KIAA1328: variants seen among roughly 807,000 people sequenced by gnomAD.
The protein encoded by KIAA1328 is KIAA1328.
KIAA1328 carries 52 observed loss-of-function variants against 68.1 expected under a neutral mutation model. The ratio of observed to expected loss-of-function variants is 0.76; its 90% CI spans 0.61 to 0.96. The LOEUF (loss-of-function observed/expected upper bound fraction) is 0.96, where lower values mean the gene tolerates loss of function less well. Among genes scored for constraint, KIAA1328 ranks in the 40% least tolerant of loss-of-function variants. The pLI, the probability that KIAA1328 is intolerant of heterozygous loss-of-function variation, is 0.00. For missense variants in KIAA1328, 641 were observed against 677.6 expected (o/e 0.95, Z 0.60); for synonymous variants, 232 against 239.4 (o/e 0.97, Z 0.28).
In KIAA1328 at chr18:36,863,270, A is replaced by G. The variant is rs1217646828; in HGVS notation, c.332+18968A>G. 2.7e-5 allele frequency among the ~76,000 whole-genome samples: 4 copies of G among 150,750 alleles called. No individual in the cohort carries two copies. The East Asian group carries it at 5.8e-4, about 22-fold the overall frequency. On this transcript the variant is annotated intron_variant, in intron 4 of 9. Coordinates refer to ENST00000280020, the MANE Select transcript of KIAA1328 (RefSeq NM_020776.3). Reference sequence around the variant, plus strand: ...TTGAGGTTCTTTTTTTTTTTCCCCAATTGATGTACAGTTATTCTAGCACCA... The same window carrying G: ...TTGAGGTTCTTTTTTTTTTTCCCCAGTTGATGTACAGTTATTCTAGCACCA...
intron 5 of KIAA1328, among the ~76,000 whole-genome samples, chr18:36,894,349 A>G (rs2048801153): frequency 6.6e-6 from 1 of 152,126 alleles, no homozygotes; most frequent in African/African-American, 2.4e-5. Flanking sequence ...CAATTTTCTT[A>G]TATTTTGACA....
chr18:36,961,805 C>T (rs992991475), intron 6 of KIAA1328, among the ~76,000 whole-genome samples: 4 of 152,116 alleles, frequency 2.6e-5, no homozygotes, highest in Non-Finnish European at 5.9e-5. Flanking sequence ...TACAAGAGCT[C>T]CTGAAGGGAG....
At chr18:37,109,091 G>A (rs966560730) in intron 7 of KIAA1328, among the ~76,000 whole-genome samples, 44 of 152,282 alleles carry the variant, frequency 2.9e-4, no homozygotes, top group African/African-American at 1.0e-3. Flanking sequence ...ATCCGTGTCC[G>A]TGCAAAGCAC....
intron 6 of KIAA1328, among the ~76,000 whole-genome samples, chr18:37,003,483 T>C (rs2053664333): frequency 1.3e-5 from 2 of 152,082 alleles, no homozygotes; most frequent in African/African-American, 2.4e-5. Context: ...TGCAAACATC[T>C]CCGCAGGAAA....
At chr18:37,076,855 C>A (rs2056756678) in intron 7 of KIAA1328, among the ~76,000 whole-genome samples, 1 of 151,914 alleles carries the variant, frequency 6.6e-6, no homozygotes, top group Non-Finnish European at 1.5e-5. Flanking sequence ...GCTTACCAAC[C>A]AAAAAGAGTC....
intron 7 of KIAA1328, among the ~76,000 whole-genome samples, chr18:37,143,221 C>G (rs2058812754): frequency 6.6e-6 from 1 of 152,096 alleles, no homozygotes; most frequent in African/African-American, 2.4e-5. Context: ...TCCCAAAGTG[C>G]TGGGATTACA....
chr18:36,833,959 A>G (rs1027367369), intron 1 of KIAA1328, among the ~76,000 whole-genome samples: 2 of 152,204 alleles, frequency 1.3e-5, no homozygotes, highest in Non-Finnish European at 2.9e-5. Context: ...TGGAGCACTT[A>G]AGTTTTTGTT....
intron 3 of KIAA1328, among the ~76,000 whole-genome samples, chr18:36,841,225 A>G (rs980749157): frequency 3.3e-5 from 5 of 152,092 alleles, no homozygotes; most frequent in African/African-American, 1.2e-4. Flanking sequence ...TATACTCTGC[A>G]GCAAGTTCCC....
At chr18:37,201,770 C>A (rs975763453) in intron 9 of KIAA1328, among the ~76,000 whole-genome samples, 1 of 152,132 alleles carries the variant, frequency 6.6e-6, no homozygotes, top group African/African-American at 2.4e-5. Context: ...TTGAGGTCCC[C>A]AGAATATCTT....
chr18:37,087,962 A>ATAC (rs1245233986), intron 7 of KIAA1328, among the ~76,000 whole-genome samples: 2 of 152,142 alleles, frequency 1.3e-5, no homozygotes, highest in Non-Finnish European at 2.9e-5. Context: ...AGTCATCTTC[A>ATAC]TACAATGGGG....
intron 5 of KIAA1328, among the ~76,000 whole-genome samples, chr18:36,939,873 T>C (rs2050639750): frequency 1.3e-5 from 2 of 152,152 alleles, no homozygotes; most frequent in South Asian, 4.1e-4. Context: ...TGAACAAATG[T>C]CTGCTGTTTT....
intron 4 of KIAA1328, among the ~76,000 whole-genome samples, chr18:36,850,665 C>T (rs762447051): frequency 3.9e-5 from 6 of 152,128 alleles, no homozygotes; most frequent in Non-Finnish European, 5.9e-5. Context: ...ATAAGAGTTA[C>T]TTAACCACAA....
intron 7 of KIAA1328, among the ~76,000 whole-genome samples, chr18:37,130,706 A>C (rs2058501830): frequency 6.6e-6 from 1 of 152,244 alleles, no homozygotes; most frequent in South Asian, 2.1e-4. Flanking sequence ...ATGGTAGAAA[A>C]AAATAATCCT....
At chr18:36,973,830 T>TACAC (rs111392122) in intron 6 of KIAA1328, among the ~76,000 whole-genome samples, 22,038 of 147,282 alleles carry the variant, frequency 0.15, 1,743 homozygotes, top group African/African-American at 0.19. Context: ...CACACACACA[T>TACAC]ACACACACAC....
intron 6 of KIAA1328, among the ~76,000 whole-genome samples, chr18:36,961,507 G>T (rs927027727): frequency 6.6e-6 from 1 of 152,040 alleles, no homozygotes; most frequent in Non-Finnish European, 1.5e-5. Flanking sequence ...CCCAAGACAC[G>T]TAATTGTCAG....
chr18:37,126,309 C>T lies in KIAA1328; in HGVS notation c.1233-33891C>T, dbSNP rs1349276786. Reference sequence around the variant, plus strand: ...TTCACATAAGTGATACTCAACCTGTCATATAAACAACTTTATGCCAATAAA... The same window carrying T: ...TTCACATAAGTGATACTCAACCTGTTATATAAACAACTTTATGCCAATAAA... On this transcript the variant is annotated intron_variant, in intron 7 of 9. Coordinates refer to ENST00000280020, the MANE Select transcript of KIAA1328 (RefSeq NM_020776.3). Among the ~76,000 whole-genome samples, 4 of 152,064 alleles carry T rather than the reference C, an allele frequency of 2.6e-5. No individual in the cohort carries two copies. The East Asian group carries it at 7.7e-4, about 29-fold the overall frequency.
intron 7 of KIAA1328, among the ~76,000 whole-genome samples, chr18:37,109,509 C>T (rs888981555): frequency 3.9e-5 from 6 of 152,010 alleles, no homozygotes; most frequent in Admixed American, 6.5e-5. Flanking sequence ...TCTCAAATGG[C>T]AATTCATAGA....
chr18:36,893,951 A>G (rs1445822108), intron 5 of KIAA1328, among the ~76,000 whole-genome samples: 1 of 152,168 alleles, frequency 6.6e-6, no homozygotes, highest in Non-Finnish European at 1.5e-5. Context: ...TTTATTACTA[A>G]GACATCTTGC....
chr18:36,863,125 C>T (rs1422231298), intron 4 of KIAA1328, among the ~76,000 whole-genome samples: 2 of 152,034 alleles, frequency 1.3e-5, no homozygotes, highest in Admixed American at 6.5e-5. Flanking sequence ...CTTTCATCCC[C>T]CTTCACTGAA....
Sources: allele counts gnomAD v4.1 joint callset (sites outside exome capture counted in the v4.1 genomes callset), GRCh38; gene constraint gnomAD v4.1.1; transcripts MANE v1.5; gene names NCBI Gene and HGNC (gene_info 2026-07-23, HGNC 2026-07-21).